UPF3A: variants seen among roughly 807,000 people sequenced by gnomAD.
UPF3A encodes UPF3A regulator of nonsense mediated mRNA decay, also known as regulator of nonsense transcripts 3A.
UPF3A carries 42 observed loss-of-function variants against 53.5 expected under a neutral mutation model. The ratio of observed to expected loss-of-function variants is 0.78; its 90% confidence interval spans 0.61 to 1.01. The LOEUF (loss-of-function observed/expected upper bound fraction) is 1.01, where lower values mean the gene tolerates loss of function less well. Ranked by LOEUF, UPF3A falls within the 50% of genes least tolerant of loss-of-function variation. UPF3A has a pLI of 0.00. For missense variants in UPF3A, 575 were observed against 598.0 expected, an observed-to-expected ratio of 0.96 and a Z score of 0.40; for synonymous variants, 237 against 225.3, an observed-to-expected ratio of 1.05 and a Z score of -0.47.
At chr13:114,289,676 T>A (rs755253039) in intron 5 of UPF3A, among the ~76,000 whole-genome samples, 1 of 151,916 alleles carries the variant, frequency 6.6e-6, no homozygotes, top group African/African-American at 2.4e-5. Flanking sequence ...GACTCTGGAG[T>A]TGTTGAGTTA....
intron 7 of UPF3A, 134 bp from the exon 8 acceptor site, chr13:114,298,706 G>T: frequency 2.2e-6 from 2 of 899,874 alleles, no homozygotes; most frequent in Non-Finnish European, 3.1e-6. Context: ...CCTCATTTTT[G>T]GACCTTTAGC....
chr13:114,282,095 C>G lies in UPF3A; in HGVS notation c.282C>G (p.His94Gln), dbSNP rs191315480. ...LEEQLRPLPA[H>Q]DYFEFFAADL... ...AGCAGCTGCGCCCGCTGCCAGCACA[C>G]GACTACTTCGAGTTCTTCGCCGCCG... is the stretch of plus-strand genomic sequence containing the variant. The change falls in exon 2 of 10, where the codon CAC becomes CAG. Residue 94 changes from histidine (H) to glutamine (Q), a missense_variant. His to Gln is a conservative substitution (Grantham distance 24). Coordinates refer to ENST00000375299, the MANE Select transcript of UPF3A (RefSeq NM_023011.4). 1.9e-6 allele frequency: 3 copies of G among 1,577,320 alleles called. No homozygotes were observed. The highest frequency in any genetic ancestry group is 1.2e-5 in the South Asian group (1 of 86,514).
At chr13:114,301,680 C>T in intron 8 of UPF3A, 51 bp from the exon 9 acceptor site, 3 of 1,563,610 alleles carry the variant, frequency 1.9e-6, no homozygotes, top group South Asian at 2.4e-5. Flanking sequence ...GGAGGGTGGG[C>T]AGCCAACCGG....
At chr13:114,292,970 G>T (rs2085463858) in intron 7 of UPF3A, among the ~76,000 whole-genome samples, 1 of 151,554 alleles carries the variant, frequency 6.6e-6, no homozygotes, top group South Asian at 2.1e-4. Flanking sequence ...TACTCAGGAG[G>T]CTGAGGCAGG....
chr13:114,299,712 C>T (rs986124586), intron 8 of UPF3A, among the ~76,000 whole-genome samples: 1 of 152,236 alleles, frequency 6.6e-6, no homozygotes, highest in South Asian at 2.1e-4. Flanking sequence ...CCCTCTTGCT[C>T]CTGGCATCCA....
At chr13:114,300,916 C>T (rs1293630657) in intron 8 of UPF3A, among the ~76,000 whole-genome samples, 1 of 151,834 alleles carries the variant, frequency 6.6e-6, no homozygotes, top group African/African-American at 2.4e-5. Context: ...CTCAAATGAT[C>T]TGCCTGCCCC....
At chr13:114,302,928 C>G (rs1040867567) in intron 9 of UPF3A, among the ~76,000 whole-genome samples, 4 of 152,056 alleles carry the variant, frequency 2.6e-5, no homozygotes, top group African/African-American at 9.7e-5. Context: ...ATGGCGAAAC[C>G]CTGTCTCTAC....
chr13:114,286,432 C>G, intron 4 of UPF3A, 32 bp downstream of exon 4: 1 of 1,613,404 alleles, frequency 6.2e-7, no homozygotes, highest in Non-Finnish European at 8.5e-7. Flanking sequence ...CGTTATGAAG[C>G]TGCCAAATTA....
chr13:114,303,683 G>A (rs1594852588), intron 9 of UPF3A, among the ~76,000 whole-genome samples: 1 of 152,272 alleles, frequency 6.6e-6, no homozygotes, highest in South Asian at 2.1e-4. Flanking sequence ...CTACTCAGGA[G>A]GCTGAGGCAG....
Position 114,298,552 on chromosome 13 carries a change from T to C in UPF3A, c.847-288T>C, listed in dbSNP as rs949405489. Among the ~76,000 whole-genome samples the C allele has an allele frequency of 5.3e-5, 8 of 152,110 alleles. No homozygotes were observed. The East Asian group carries it at 9.6e-4, about 18-fold the overall frequency. ...GAGACTCTGTCTCAAAAGAGAAAAG[T>C]GTAAGTGAGATTGTGGTGCATGTTC... On this transcript the variant is annotated intron_variant, in intron 7 of 9. Transcript: ENST00000375299.
chr13:114,284,220 G>C, intron 3 of UPF3A: 1 of 257,024 alleles, frequency 3.9e-6, no homozygotes, highest in Non-Finnish European at 6.1e-6. Context: ...AAATTAGCCA[G>C]GCATGGTGGC....
rs1487237287 is a variant in UPF3A, at chr13:114,282,948, G to T, written c.421+5G>T. 1 of 1,583,444 alleles carries T rather than the reference G, an allele frequency of 6.3e-7. No individual in the cohort carries two copies. Among genetic ancestry groups the T allele is most frequent in the African/African-American group, 1.4e-5 (1 of 73,806 alleles). ...ATATCTTCCTTGACAGCAAAGGTTG[G>T]ATTATTGGTTTTTAAAAATCTATTA... is the stretch of plus-strand genomic sequence containing the variant. On this transcript the variant is annotated splice_donor_5th_base_variant and intron_variant, in intron 3 of 9. Coordinates refer to ENST00000375299, the MANE Select transcript of UPF3A (RefSeq NM_023011.4).
Position 114,281,796 on chromosome 13 carries a change from G to C in UPF3A, c.157G>C (p.Gly53Arg), listed in dbSNP as rs200526577. ...ETPPTSSSGC[G>R]GGAGKPREEK... ...GCCGCCAACTTCGTCCTCCGGTTGCGGGGGCGGTGCGGGCAAACCTCGCGA... is the reference window on the plus strand; with the variant it reads ...GCCGCCAACTTCGTCCTCCGGTTGCCGGGGCGGTGCGGGCAAACCTCGCGA... The change falls in exon 1 of 10, where the codon GGG becomes CGG. Residue 53 changes from glycine (G) to arginine (R), a missense_variant. Physicochemically the swap from Gly to Arg is moderately radical, Grantham distance 125. Transcript: ENST00000375299. 2 of 1,554,604 alleles carry C rather than the reference G, an allele frequency of 1.3e-6. No individual in the cohort carries two copies. The highest frequency in any genetic ancestry group is 1.7e-6 in the Non-Finnish European group (2 of 1,149,862).
chr13:114,283,883 A>G, intron 3 of UPF3A: 1 of 985,214 alleles, frequency 1.0e-6, no homozygotes, highest in Non-Finnish European at 1.2e-6. Flanking sequence ...TTCCGACTCC[A>G]CGTGTTTTGA....
At position 114,281,687 on chromosome 13, in the gene UPF3A, C is replaced by T. The variant is rs1218365415; in HGVS notation, c.48C>T (p.Ala16=). Residue 16 remains alanine (A), a synonymous_variant, in exon 1 of 10, where the codon GCC becomes GCT. Coordinates refer to ENST00000375299, the MANE Select transcript of UPF3A (RefSeq NM_023011.4). The part of the protein sequence containing the change: ...EGAGGLRAAV[A]ARGPSGREKL... ...CCGGAGGCCTTCGGGCGGCCGTTGCCGCGCGGGGCCCGAGCGGGAGGGAGA... is the reference window on the plus strand; with the variant it reads ...CCGGAGGCCTTCGGGCGGCCGTTGCTGCGCGGGGCCCGAGCGGGAGGGAGA... 32 of 1,536,458 alleles carry T rather than the reference C, an allele frequency of 2.1e-5. No homozygotes were observed. The East Asian group carries it at 7.3e-4, about 35-fold the overall frequency.
In UPF3A at chr13:114,282,008, G is replaced by A; in HGVS notation, c.208-13G>A. 1.3e-6 allele frequency: 2 copies of A among 1,544,470 alleles called. No individual in the cohort carries two copies. The highest frequency in any genetic ancestry group is 1.7e-6 in the Non-Finnish European group (2 of 1,147,034). On this transcript the variant is annotated splice_polypyrimidine_tract_variant and intron_variant, in intron 1 of 9. Transcript: ENST00000375299. ...GCTCCGCCCCGGTGGGAACGGCCGC[G>A]CGCTCCCCGCAGGTGGTCATCCGCC...
intron 9 of UPF3A, 65 bp from the exon 10 acceptor site, chr13:114,304,724 G>C (rs1335403402): frequency 3.2e-6 from 5 of 1,562,956 alleles, no homozygotes; most frequent in East Asian, 2.3e-5. Flanking sequence ...TAGAAATATA[G>C]GGAGATATTG....
In UPF3A at chr13:114,296,644, G is replaced by C. The variant is rs183419356; in HGVS notation, c.847-2196G>C. 1.2e-4 allele frequency among the ~76,000 whole-genome samples: 19 copies of C among 152,218 alleles called. No individual in the cohort carries two copies. In the East Asian group the frequency reaches 3.1e-3, roughly 25 times the overall value. On this transcript the variant is annotated intron_variant, in intron 7 of 9. Coordinates refer to ENST00000375299, the MANE Select transcript of UPF3A (RefSeq NM_023011.4). ...ATCGGGAACCCCTGAATTTATTGCT[G>C]ACTGGTCAGAAGTACCGGTGACACA... is the stretch of plus-strand genomic sequence containing the variant.
intron 5 of UPF3A, among the ~76,000 whole-genome samples, chr13:114,289,053 GGGCATGTCCT>G (rs1271895180): frequency 1.3e-5 from 2 of 152,018 alleles, no homozygotes; most frequent in Admixed American, 1.3e-4. Context: ...GGGGAGAGGG[GGGCATGTCCT>G]GGCACCTCCC....
Sources: gnomAD v4.1 joint callset for allele counts (sites outside exome capture counted in the v4.1 genomes callset) on GRCh38, gnomAD v4.1.1 for gene constraint, MANE v1.5 for transcripts, NCBI Gene and HGNC (gene_info 2026-07-23, HGNC 2026-07-21) for gene names.